TTLL4: variants seen among roughly 807,000 people sequenced by gnomAD.
TTLL4 encodes the protein tubulin monoglutamylase TTLL4.
TTLL4 carries 85 observed loss-of-function variants against 122.7 expected under a neutral mutation model. That is an observed-to-expected ratio of 0.69 (90% CI 0.58 to 0.83). The LOEUF (loss-of-function observed/expected upper bound fraction) is 0.83, where lower values mean the gene tolerates loss of function less well. Ranked by LOEUF, TTLL4 falls within the 40% of genes least tolerant of loss-of-function variation. TTLL4 has a pLI of 0.00. For missense variants in TTLL4, 1,363 were observed against 1,488.6 expected (o/e 0.92, Z 1.39); for synonymous variants, 553 against 563.0 (o/e 0.98, Z 0.25).
intron 14 of TTLL4, 134 bp downstream of exon 14, chr2:218,749,521 T>C: frequency 4.5e-6 from 6 of 1,323,412 alleles, no homozygotes; most frequent in Non-Finnish European, 6.1e-6. Context: ...CAGGCTGGAG[T>C]GCAGTGGCGC....
downstream of TTLL4, among the ~76,000 whole-genome samples, chr2:218,758,167 G>A (rs996145875): frequency 6.6e-6 from 1 of 152,190 alleles, no homozygotes; most frequent in Non-Finnish European, 1.5e-5. Context: ...TGTTTTACAG[G>A]TGAAAACACA....
chr2:218,747,208 A>G lies in TTLL4; in HGVS notation c.2166+14A>G, dbSNP rs757491270. 6.2e-7 allele frequency: 1 copy of G among 1,614,170 alleles called. No individual in the cohort carries two copies. The highest frequency in any genetic ancestry group is 1.1e-5 in the South Asian group (1 of 91,084). Reference sequence around the variant, plus strand: ...ATTGTGAAGCCAGTGAGTGAATCACAGTGGGCAGGAGACTATGGTCTGTGA... The same window carrying G: ...ATTGTGAAGCCAGTGAGTGAATCACGGTGGGCAGGAGACTATGGTCTGTGA... On this transcript the variant is annotated intron_variant, in intron 9 of 19. Coordinates refer to ENST00000392102, the MANE Select transcript of TTLL4 (RefSeq NM_014640.5). The surrounding 1 kb of genome is among the most constrained non-coding windows in gnomAD (Gnocchi z 4.7).
intron 14 of TTLL4, 73 bp from the exon 15 acceptor site, chr2:218,749,936 C>T (rs550497349): frequency 1.9e-5 from 29 of 1,566,394 alleles, no homozygotes; most frequent in Non-Finnish European, 2.5e-5. Flanking sequence ...TGAGACTAGC[C>T]CTGAGTTGCA....
At chr2:218,729,765 A>AAAAAAAC (rs1942310272) in intron 2 of TTLL4, among the ~76,000 whole-genome samples, 3 of 109,528 alleles carry the variant, frequency 2.7e-5, no homozygotes, top group African/African-American at 8.3e-5. Context: ...AAAAAAAACA[A>AAAAAAAC]AAAAAAAAAA....
intron 2 of TTLL4, among the ~76,000 whole-genome samples, chr2:218,736,751 T>G (rs1354337780): frequency 6.6e-6 from 1 of 152,166 alleles, no homozygotes; most frequent in Non-Finnish European, 1.5e-5. Context: ...TCTTCTCCTG[T>G]CTGAACTTGT....
At position 218,754,350 on chromosome 2, in the gene TTLL4, C is replaced by G. The variant is rs1943107569; in HGVS notation, c.3561C>G (p.Phe1187Leu). The change falls in exon 20 of 20, where the codon TTC becomes TTG. Residue 1187 changes from phenylalanine to leucine, a missense_variant. Coordinates refer to ENST00000392102, the MANE Select transcript of TTLL4 (RefSeq NM_014640.5). ...QTSRLSASST[F>L]QSISDSLLAV... ...CAAGACTTTCTGCTTCCTCCACTTT[C>G]CAGTCAATCAGTGACTCCCTCCTGG... 5.0e-6 allele frequency: 8 copies of G among 1,614,084 alleles called. No homozygotes were observed. Among genetic ancestry groups the G allele is most frequent in the Middle Eastern group, 1.6e-4 (1 of 6,084 alleles).
chr2:218,726,689 A>G (rs1319712826), intron 1 of TTLL4, among the ~76,000 whole-genome samples: 1 of 151,936 alleles, frequency 6.6e-6, no homozygotes, highest in Admixed American at 6.6e-5. Flanking sequence ...CTGGTCTCGA[A>G]CTCCTGGCCT....
At chr2:218,748,721 C>A in intron 12 of TTLL4, 115 bp from the exon 13 acceptor site, 67 of 574,556 alleles carry the variant, frequency 1.2e-4, no homozygotes, top group East Asian at 2.4e-4. Context: ...ATAATTTAAA[C>A]TGCGAAAGGA....
intron 5 of TTLL4, among the ~76,000 whole-genome samples, chr2:218,744,847 G>A (rs937082714): frequency 2.0e-5 from 3 of 152,126 alleles, no homozygotes; most frequent in African/African-American, 7.2e-5. Flanking sequence ...GTCTTGTCAC[G>A]GGAAATTTTG....
At chr2:218,724,973 C>T (rs1251771971) in intron 1 of TTLL4, among the ~76,000 whole-genome samples, 3 of 152,074 alleles carry the variant, frequency 2.0e-5, no homozygotes, top group East Asian at 1.9e-4. Flanking sequence ...GATCATGGCT[C>T]ACTGCAGTCT....
In TTLL4 at chr2:218,747,232, G is replaced by A. The variant is rs1942868955; in HGVS notation, c.2166+38G>A. On this transcript the variant is annotated intron_variant, in intron 9 of 19. Transcript: ENST00000392102. The surrounding 1 kb of genome is among the most constrained non-coding windows in gnomAD (Gnocchi z 4.7). Reference sequence around the variant, plus strand: ...CAGTGGGCAGGAGACTATGGTCTGTGAGTGGGAACAACAGAGTATTGGACC... The same window carrying A: ...CAGTGGGCAGGAGACTATGGTCTGTAAGTGGGAACAACAGAGTATTGGACC... The A allele has an allele frequency of 3.1e-6, 5 of 1,614,158 alleles. No homozygotes were observed. The highest frequency in any genetic ancestry group is 4.2e-6 in the Non-Finnish European group (5 of 1,180,006).
At chr2:218,753,441 C>A in intron 18 of TTLL4, 143 bp from the exon 19 acceptor site, 1 of 895,174 alleles carries the variant, frequency 1.1e-6, no homozygotes, top group Non-Finnish European at 1.8e-6. Context: ...AGACTTTTAC[C>A]CACCTGGGCC....
intron 4 of TTLL4, among the ~76,000 whole-genome samples, 176 bp from the exon 5 acceptor site, chr2:218,740,345 C>G (rs1158715793): frequency 6.6e-6 from 1 of 152,180 alleles, no homozygotes; most frequent in Non-Finnish European, 1.5e-5. Context: ...TCCTGTCCCA[C>G]TGGTCTTACC....
At position 218,730,895 on chromosome 2, in the gene TTLL4, A is replaced by C. The variant is rs58407731; in HGVS notation, c.-99+3548A>C. On this transcript the variant is annotated intron_variant, in intron 2 of 19. Coordinates refer to ENST00000392102, the MANE Select transcript of TTLL4 (RefSeq NM_014640.5). ...CAAGGCAGGAGGATCATTTGAGGAC[A>C]GAGTTTGAGACCAGCCTGGGCAACA... Among the ~76,000 whole-genome samples, 1,020 of 151,928 alleles carry C rather than the reference A, an allele frequency of 6.7e-3. 13 individuals carry two copies. The highest frequency in any genetic ancestry group is 0.023 in the African/African-American group (942 of 41,420).
At chr2:218,755,744 C>T (rs1943139448), downstream of TTLL4, among the ~76,000 whole-genome samples, 1 of 152,192 alleles carries the variant, frequency 6.6e-6, no homozygotes, top group Non-Finnish European at 1.5e-5. Context: ...TACTTGGTCT[C>T]ACCCTGGACT....
chr2:218,733,846 A>G (rs944564713), intron 2 of TTLL4, among the ~76,000 whole-genome samples: 7 of 152,216 alleles, frequency 4.6e-5, no homozygotes, highest in African/African-American at 1.7e-4. Flanking sequence ...GGGATGTAGC[A>G]AGGCAAACAT....
At chr2:218,748,350 C>T (rs1188373704) in intron 12 of TTLL4, 123 bp downstream of exon 12, 3 of 1,422,160 alleles carry the variant, frequency 2.1e-6, no homozygotes, top group Non-Finnish European at 2.8e-6. Context: ...TAACACTTAC[C>T]AATTCAGAAT....
downstream of TTLL4, among the ~76,000 whole-genome samples, chr2:218,759,533 G>A (rs553224679): frequency 1.3e-5 from 2 of 152,300 alleles, no homozygotes; most frequent in South Asian, 4.1e-4. Context: ...GTCACAGAAA[G>A]CAGAACAGTG....
In TTLL4 at chr2:218,738,344, T is replaced by A. The variant is rs141628074; in HGVS notation, c.668T>A (p.Met223Lys). The A allele has an allele frequency of 1.8e-5, 29 of 1,614,040 alleles. No homozygotes were observed. In the African/African-American group the frequency reaches 2.9e-4, roughly 16 times the overall value. Residue 223 changes from methionine to lysine, a missense_variant, in exon 3 of 20, where the codon ATG becomes AAG. By Grantham distance (95) the Met-to-Lys change is moderately conservative. Transcript: ENST00000392102. Reference sequence around the variant, plus strand: ...CCCATGCTGAATAATAATTCCTTCATGTGGCCAAATAGCACGCCAGTGCCT... The same window carrying A: ...CCCATGCTGAATAATAATTCCTTCAAGTGGCCAAATAGCACGCCAGTGCCT... ...YKPMLNNNSF[M>K]WPNSTPVPLL...
Sources: allele counts gnomAD v4.1 joint callset (sites outside exome capture counted in the v4.1 genomes callset), GRCh38; gene constraint gnomAD v4.1.1; non-coding constraint Gnocchi (gnomAD v3.1); transcripts MANE v1.5; gene names NCBI Gene and HGNC (gene_info 2026-07-23, HGNC 2026-07-21).